The following CSMD1 variants were observed in gnomAD, a reference collection of about 807,000 sequenced individuals.
CSMD1 encodes CUB and Sushi multiple domains 1.
Under a neutral mutation model 417.5 loss-of-function variants are expected in CSMD1, and 213 were observed. The observed-to-expected ratio is 0.51, with a 90% CI of 0.46 to 0.57. The LOEUF (loss-of-function observed/expected upper bound fraction) is 0.57, where lower values mean the gene tolerates loss of function less well. CSMD1 is among the 20% of genes least tolerant of loss of function. The pLI is 0.00. For synonymous variants in CSMD1, 2,862 were observed against 1,736.8 expected (o/e 1.65, Z -16.11); for missense variants, 6,923 against 4,529.7 (o/e 1.53, Z -15.17).
chr8:4,322,763 G>C (rs973173887), intron 3 of CSMD1, among the ~76,000 whole-genome samples: 5 of 152,206 alleles, frequency 3.3e-5, no homozygotes, highest in East Asian at 3.9e-4. Context: ...GGAAGGCAGA[G>C]GTAGGCGGAT....
intron 1 of CSMD1, among the ~76,000 whole-genome samples, chr8:4,826,786 G>A (rs1172645893): frequency 6.6e-6 from 1 of 152,090 alleles, no homozygotes; most frequent in Non-Finnish European, 1.5e-5. Flanking sequence ...CTGCTATATG[G>A]AAGTACAGGC....
At chr8:3,120,510 T>G (rs570383084) in intron 41 of CSMD1, among the ~76,000 whole-genome samples, 1 of 152,254 alleles carries the variant, frequency 6.6e-6, no homozygotes, top group South Asian at 2.1e-4. Flanking sequence ...CATAGCTTTC[T>G]CCTATTTAAT....
intron 5 of CSMD1, among the ~76,000 whole-genome samples, chr8:3,773,069 T>G (rs1798704047): frequency 6.6e-6 from 1 of 152,118 alleles, no homozygotes; most frequent in Non-Finnish European, 1.5e-5. Context: ...CTCTGGGGCC[T>G]CTTCTATAAG....
At chr8:4,865,951 T>TA (rs1802400779) in intron 1 of CSMD1, among the ~76,000 whole-genome samples, 1 of 151,838 alleles carries the variant, frequency 6.6e-6, no homozygotes, top group Non-Finnish European at 1.5e-5. Context: ...TGAAAATTTT[T>TA]TAAAAATATA....
intron 7 of CSMD1, among the ~76,000 whole-genome samples, chr8:3,639,372 T>G (rs1366631593): frequency 6.6e-6 from 1 of 152,188 alleles, no homozygotes; most frequent in Non-Finnish European, 1.5e-5. Context: ...AGAATGAAAG[T>G]GAATGAGTGA....
chr8:3,033,820 G>A (rs1810497726), intron 50 of CSMD1, among the ~76,000 whole-genome samples: 1 of 152,078 alleles, frequency 6.6e-6, no homozygotes, highest in African/African-American at 2.4e-5. Flanking sequence ...ATTTGGCTTC[G>A]AGTTACCTTT....
At chr8:4,860,547 C>T (rs1018701764) in intron 1 of CSMD1, among the ~76,000 whole-genome samples, 12 of 152,004 alleles carry the variant, frequency 7.9e-5, no homozygotes, top group Non-Finnish European at 1.8e-4. Flanking sequence ...AGCAGATGCT[C>T]GTGCCATGCT....
At chr8:3,753,369 G>A (rs991965972) in intron 6 of CSMD1, among the ~76,000 whole-genome samples, 9 of 152,102 alleles carry the variant, frequency 5.9e-5, no homozygotes, top group Non-Finnish European at 1.3e-4. Context: ...ATAAACCTTA[G>A]AAACCAGAGA....
chr8:4,191,790 G>A lies in CSMD1; in HGVS notation c.416-159691C>T, dbSNP rs1403039500. On this transcript the variant is annotated intron_variant, in intron 3 of 69. Coordinates refer to ENST00000635120, the MANE Select transcript of CSMD1 (RefSeq NM_033225.6). ...GTGGTTCAGTTCATCCTGTGGTTAA[G>A]GTTGAATTGACTTCATCTCCTATCG... Among the ~76,000 whole-genome samples, 6 of 148,490 alleles carry A rather than the reference G, an allele frequency of 4.0e-5. No individual in the cohort carries two copies. The East Asian group carries it at 1.2e-3, about 30-fold the overall frequency.
intron 3 of CSMD1, among the ~76,000 whole-genome samples, chr8:4,213,723 T>G (rs536218736): frequency 6.6e-6 from 1 of 152,260 alleles, no homozygotes; most frequent in South Asian, 2.1e-4. Flanking sequence ...TGTGATTTCC[T>G]GAAAGGGTGG....
intron 5 of CSMD1, among the ~76,000 whole-genome samples, chr8:3,896,442 G>T (rs916295981): frequency 6.6e-6 from 1 of 152,078 alleles, no homozygotes; most frequent in African/African-American, 2.4e-5. Flanking sequence ...CCAAAACGTT[G>T]AACACTTGGG....
chr8:3,622,715 T>C (rs967018710), intron 7 of CSMD1, among the ~76,000 whole-genome samples: 9 of 152,164 alleles, frequency 5.9e-5, no homozygotes, highest in African/African-American at 1.7e-4. Flanking sequence ...TTGTTTCGTG[T>C]GATAAACAGT....
At chr8:4,873,738 C>T (rs890054490) in intron 1 of CSMD1, among the ~76,000 whole-genome samples, 37 of 152,132 alleles carry the variant, frequency 2.4e-4, no homozygotes, top group African/African-American at 8.2e-4. Flanking sequence ...GAGCTCAAAG[C>T]CTTGAAAAAT....
rs540902890 is a variant in CSMD1, at chr8:3,927,074, T to C, written c.818+70829A>G. 2.6e-3 allele frequency among the ~76,000 whole-genome samples: 399 copies of C among 152,090 alleles called. 9 individuals are homozygous for C. The South Asian group carries it at 0.033, about 13-fold the overall frequency. On this transcript the variant is annotated intron_variant, in intron 5 of 69. Transcript: ENST00000635120. ...TGTTTTTATAAGAGGTAATTTAGTA[T>C]TTATTGTAATTATCTTTAGGTATTA... is the stretch of plus-strand genomic sequence containing the variant.
intron 5 of CSMD1, among the ~76,000 whole-genome samples, chr8:3,931,083 T>C (rs983550522): frequency 6.6e-6 from 1 of 150,652 alleles, no homozygotes; most frequent in Admixed American, 6.6e-5. Flanking sequence ...AAATGTGACA[T>C]CTTTCTTTAC....
At chr8:3,151,874 T>C (rs1273816118) in intron 39 of CSMD1, among the ~76,000 whole-genome samples, 3 of 152,348 alleles carry the variant, frequency 2.0e-5, no homozygotes, top group Admixed American at 6.5e-5. Context: ...TATTGATTGA[T>C]TGCTAACTAT....
intron 5 of CSMD1, among the ~76,000 whole-genome samples, chr8:3,860,123 T>C (rs571348871): frequency 7.2e-5 from 11 of 152,264 alleles, no homozygotes; most frequent in African/African-American, 2.6e-4. Context: ...TTGATCCCCT[T>C]TGAAGCTTAG....
chr8:4,190,787 T>C (rs948556638), intron 3 of CSMD1, among the ~76,000 whole-genome samples: 7 of 152,146 alleles, frequency 4.6e-5, no homozygotes, highest in African/African-American at 9.7e-5. Flanking sequence ...AATGAGAGCA[T>C]GTCCTCTGCA....
intron 54 of CSMD1, among the ~76,000 whole-genome samples, chr8:2,988,280 G>C (rs188811917): frequency 3.7e-4 from 56 of 151,760 alleles, no homozygotes; most frequent in African/African-American, 1.3e-3. Context: ...TTTTCTTTAT[G>C]CTTATGTACA....
Sources: allele counts gnomAD v4.1 joint callset (sites outside exome capture counted in the v4.1 genomes callset), GRCh38; gene constraint gnomAD v4.1.1; transcripts MANE v1.5; gene names NCBI Gene and HGNC (gene_info 2026-07-23, HGNC 2026-07-21).